The following LMNB2 variants were observed in gnomAD, a reference collection of about 807,000 sequenced individuals.
LMNB2 encodes lamin B2.
In LMNB2, 17 loss-of-function variants were observed where a neutral mutation model predicts 69.3. The observed-to-expected ratio is 0.25, with a 90% confidence interval of 0.17 to 0.37. The LOEUF (loss-of-function observed/expected upper bound fraction) is 0.37, where lower values mean the gene tolerates loss of function less well. Ranked by LOEUF, LMNB2 falls within the 10% of genes least tolerant of loss-of-function variation. The pLI is 1.00. For synonymous variants in LMNB2, 397 were observed against 389.3 expected (o/e 1.02, Z -0.23); for missense variants, 789 against 883.6 (o/e 0.89, Z 1.36).
At chr19:2,455,697 T>C (rs1225628029) in intron 1 of LMNB2, among the ~76,000 whole-genome samples, 2 of 152,102 alleles carry the variant, frequency 1.3e-5, no homozygotes, top group Non-Finnish European at 2.9e-5. Context: ...AGAAACCCCC[T>C]GGAGGTCCCC....
Position 2,434,941 on chromosome 19 carries a change from G to A in LMNB2, c.856-28C>T, listed in dbSNP as rs772298082. On this transcript the variant is annotated intron_variant, in intron 5 of 11. Transcript: ENST00000325327. ...GTGGGGAGACGGGCGGGTGAGTGCG[G>A]GCGCGGGGCGGGGCGGGGTTCCCAC... 6 of 1,586,080 alleles carry A rather than the reference G, an allele frequency of 3.8e-6. No individual in the cohort carries two copies. The African/African-American group carries it at 8.1e-5, about 21-fold the overall frequency.
intron 2 of LMNB2, among the ~76,000 whole-genome samples, chr19:2,442,392 G>A (rs754268798): frequency 7.4e-4 from 113 of 152,096 alleles, no homozygotes; most frequent in Non-Finnish European, 1.3e-3. Flanking sequence ...AGGAGTTTGA[G>A]ACCAGCCTGG....
intron 11 of LMNB2, 134 bp downstream of exon 11, chr19:2,431,414 G>T (rs1971737484): frequency 1.7e-6 from 2 of 1,150,558 alleles, no homozygotes; most frequent in Non-Finnish European, 1.3e-6. Flanking sequence ...GCCAAGGCTG[G>T]CTTCACCCTG....
chr19:2,444,374 G>T, intron 2 of LMNB2, 30 bp downstream of exon 2: 1 of 1,612,988 alleles, frequency 6.2e-7, no homozygotes, highest in Non-Finnish European at 8.5e-7. Flanking sequence ...CAGGATCAGG[G>T]TGACGTCGTG....
At chr19:2,441,055 AG>A (rs2145458933) in intron 2 of LMNB2, among the ~76,000 whole-genome samples, 1 of 152,352 alleles carries the variant, frequency 6.6e-6, no homozygotes, top group African/African-American at 2.4e-5. Context: ...GAGCTGCCCC[AG>A]GCTGGGATCC....
In LMNB2 at chr19:2,438,455, C is replaced by T. The variant is rs199671950; in HGVS notation, c.478G>A (p.Glu160Lys). 14 of 1,612,314 alleles carry T rather than the reference C, an allele frequency of 8.7e-6. No homozygotes were observed. Among genetic ancestry groups the T allele is most frequent in the Non-Finnish European group, 1.1e-5 (13 of 1,179,844 alleles). ...CTGAGGGCAGCTGCCAGCTCCACCT[C>T]GCTCCGGTGGAACAGGGACTCCAGG... is the stretch of plus-strand genomic sequence containing the variant. The part of the protein sequence containing the change: ...KDLESLFHRS[E>K]VELAAALSDK... Residue 160 changes from glutamate to lysine, a missense_variant, in exon 3 of 12, where the codon GAG (glutamate) becomes AAG (lysine). By Grantham distance (56) the Glu-to-Lys change is moderately conservative. Transcript: ENST00000325327.
At chr19:2,444,122 C>T (rs1247055241) in intron 2 of LMNB2, among the ~76,000 whole-genome samples, 6 of 152,234 alleles carry the variant, frequency 3.9e-5, no homozygotes, top group African/African-American at 1.4e-4. Flanking sequence ...GGAGACAGGC[C>T]AGGCTGACCA....
At chr19:2,435,692 C>T (rs1029739898) in intron 4 of LMNB2, among the ~76,000 whole-genome samples, 1 of 152,038 alleles carries the variant, frequency 6.6e-6, no homozygotes, top group African/African-American at 2.4e-5. Context: ...GGTGTGGTGG[C>T]GGGCACCTGT....
In LMNB2 at chr19:2,443,642, A is replaced by C. The variant is rs529314235; in HGVS notation, c.401+762T>G. On this transcript the variant is annotated intron_variant, in intron 2 of 11. Coordinates refer to ENST00000325327, the MANE Select transcript of LMNB2 (RefSeq NM_032737.4). The surrounding 1 kb of genome is among the most constrained non-coding windows in gnomAD (Gnocchi z 6.2). ...GGTGCCTGAATGCCGGTGGCCGGAG[A>C]CCACGGAAGACAGTGTCCACACGCA... 6.9e-4 allele frequency among the ~76,000 whole-genome samples: 105 copies of C among 152,244 alleles called. No homozygotes were observed. Among genetic ancestry groups the C allele is most frequent in the African/African-American group, 2.4e-3 (101 of 41,548 alleles).
intron 4 of LMNB2, among the ~76,000 whole-genome samples, chr19:2,435,873 A>C (rs974278040): frequency 6.6e-6 from 1 of 152,140 alleles, no homozygotes; most frequent in Non-Finnish European, 1.5e-5. Context: ...AAAGCGGGCC[A>C]GGCGTGGTGG....
In LMNB2 at chr19:2,444,929, C is replaced by T. The variant is rs557025024; in HGVS notation, c.265-389G>A. 2.1e-3 allele frequency among the ~76,000 whole-genome samples: 326 copies of T among 152,330 alleles called. 1 individual carries two copies. The highest frequency in any genetic ancestry group is 7.7e-3 in the African/African-American group (319 of 41,580). On this transcript the variant is annotated intron_variant, in intron 1 of 11. Transcript: ENST00000325327. ...GCAGCTGGATGGAGCCTGTCCCCTT[C>T]CCCGGAGGACCAGCCACACCTGGAC...
chr19:2,451,444 GAA>G (rs1307278612), intron 1 of LMNB2, among the ~76,000 whole-genome samples: 2 of 152,294 alleles, frequency 1.3e-5, no homozygotes, highest in East Asian at 1.9e-4. Context: ...GCCTTTTTTA[GAA>G]AAAGTCTGCT....
intron 6 of LMNB2, 58 bp from the exon 7 acceptor site, chr19:2,434,573 G>A (rs1971796147): frequency 8.3e-6 from 13 of 1,569,796 alleles, no homozygotes; most frequent in African/African-American, 1.3e-5. Flanking sequence ...AGGCCCAGGT[G>A]ATCCTGGGAC....
At chr19:2,437,365 G>A (rs1186821294) in intron 4 of LMNB2, among the ~76,000 whole-genome samples, 2 of 152,254 alleles carry the variant, frequency 1.3e-5, no homozygotes, top group African/African-American at 4.8e-5. Context: ...GAGGCTGGAC[G>A]GTGGCACCCA....
chr19:2,434,715 C>T (rs931468520), intron 6 of LMNB2, 73 bp downstream of exon 6: 18 of 1,541,478 alleles, frequency 1.2e-5, no homozygotes, highest in Middle Eastern at 2.1e-4. Flanking sequence ...CAGAGCCCCA[C>T]GCCCCGCACA....
intron 11 of LMNB2, 88 bp downstream of exon 11, chr19:2,431,460 G>A (rs971577045): frequency 4.5e-6 from 7 of 1,568,988 alleles, no homozygotes; most frequent in South Asian, 1.1e-5. Flanking sequence ...CGTCGGGGAT[G>A]CGGCCAGCAC....
At position 2,456,895 on chromosome 19, in the gene LMNB2, G is replaced by A; in HGVS notation, c.39C>T (p.Arg13=). The change falls in exon 1 of 12, where the codon CGC becomes CGT. Residue 13 remains arginine (R), a synonymous_variant. Coordinates refer to ENST00000325327, the MANE Select transcript of LMNB2 (RefSeq NM_032737.4). ...PPSPGRRREQ[R]RPRAAATMAT... Reference sequence around the variant, plus strand: ...CCATGGTGGCGGCGGCTCGCGGCCTGCGCTGCTCCCGACGGCGGCCCGGGC... The same window carrying A: ...CCATGGTGGCGGCGGCTCGCGGCCTACGCTGCTCCCGACGGCGGCCCGGGC... The A allele has an allele frequency of 9.6e-7, 1 of 1,037,604 alleles. No individual in the cohort carries two copies. The highest frequency in any genetic ancestry group is 1.2e-6 in the Non-Finnish European group (1 of 865,598). 64.3% of individuals were successfully genotyped at this position (1,037,604 alleles called of 1,614,324 possible).
chr19:2,446,429 C>T (rs1186748614), intron 1 of LMNB2, among the ~76,000 whole-genome samples: 1 of 152,102 alleles, frequency 6.6e-6, no homozygotes, highest in Non-Finnish European at 1.5e-5. Flanking sequence ...CATGCGGTGC[C>T]AGGGAAGGCG....
At position 2,430,754 on chromosome 19, in the gene LMNB2, C is replaced by A; in HGVS notation, c.*157G>T. ...CAGCGAAGTGAGGCTGGAGGAGACC[C>A]GCCAGGAGGGAGGGCTGGGGGAGAC... is the stretch of plus-strand genomic sequence containing the variant. On this transcript the variant is annotated 3_prime_UTR_variant, in exon 12 of 12. Coordinates refer to ENST00000325327, the MANE Select transcript of LMNB2 (RefSeq NM_032737.4). 1.4e-6 allele frequency: 1 copy of A among 714,320 alleles called. No individual in the cohort carries two copies. The highest frequency in any genetic ancestry group is 2.7e-5 in the East Asian group (1 of 37,372). The allele number at this position is 714,320 out of a possible 1,614,324, so 44.2% of individuals were successfully genotyped here. A position where few individuals can be genotyped will look rare whatever the true frequency, so the allele number is the denominator to read the frequency against.
Sources: gnomAD v4.1 joint callset for allele counts (sites outside exome capture counted in the v4.1 genomes callset) on GRCh38, gnomAD v4.1.1 for gene constraint, Gnocchi (gnomAD v3.1) non-coding constraint, MANE v1.5 for transcripts, NCBI Gene and HGNC (gene_info 2026-07-23, HGNC 2026-07-21) for gene names.